Variants in CDK8 observed in about 807,000 individuals in gnomAD.
The protein encoded by CDK8 is cyclin dependent kinase 8.
CDK8 carries 29 observed loss-of-function variants against 71.5 expected under a neutral mutation model. The observed-to-expected ratio is 0.41, with a 90% CI of 0.30 to 0.55. CDK8 has a LOEUF of 0.55. Ranked by LOEUF, CDK8 falls within the 20% of genes least tolerant of loss-of-function variation. The probability of loss-of-function intolerance (pLI) is 0.37; values close to 1 mark genes in which losing one functional copy is unlikely to be tolerated. For synonymous variants in CDK8, 161 were observed against 192.1 expected (o/e 0.84, Z 1.34); for missense variants, 288 against 572.6 (o/e 0.50, Z 5.07).
At chr13:26,340,884 T>C (rs1030634083) in intron 2 of CDK8, among the ~76,000 whole-genome samples, 5 of 152,194 alleles carry the variant, frequency 3.3e-5, no homozygotes, top group African/African-American at 1.2e-4. Flanking sequence ...GAAGGAACTC[T>C]GAAAATTTCT....
At chr13:26,306,847 T>C (rs1015523937) in intron 1 of CDK8, among the ~76,000 whole-genome samples, 1 of 152,136 alleles carries the variant, frequency 6.6e-6, no homozygotes, top group African/African-American at 2.4e-5. Flanking sequence ...CAGGCTGGTC[T>C]TGAACTTCTG....
intron 4 of CDK8, among the ~76,000 whole-genome samples, chr13:26,369,085 T>C (rs1168712319): frequency 6.6e-6 from 1 of 152,120 alleles, no homozygotes; most frequent in Non-Finnish European, 1.5e-5. Flanking sequence ...CAGAAGACGC[T>C]TTTAGTCTCT....
intron 1 of CDK8, among the ~76,000 whole-genome samples, chr13:26,310,777 G>C (rs1874248144): frequency 1.3e-5 from 2 of 152,116 alleles, no homozygotes; most frequent in South Asian, 4.1e-4. Context: ...GTGGACCTCT[G>C]CTCTACATTG....
intron 8 of CDK8, 96 bp downstream of exon 8, chr13:26,396,450 A>C: frequency 2.4e-6 from 1 of 412,290 alleles, no homozygotes; most frequent in Non-Finnish European, 4.4e-6. Flanking sequence ...ACTCAATATA[A>C]GATTACTCTA....
chr13:26,286,495 C>G (rs1319939783), intron 1 of CDK8, among the ~76,000 whole-genome samples: 2 of 152,180 alleles, frequency 1.3e-5, no homozygotes, highest in Admixed American at 1.3e-4. Context: ...CATCTCTCAC[C>G]TTATACAAAA....
At chr13:26,300,648 C>T (rs28626206) in intron 1 of CDK8, among the ~76,000 whole-genome samples, 8,830 of 152,100 alleles carry the variant, frequency 0.058, 859 homozygotes, top group African/African-American at 0.2. Flanking sequence ...AACAAAAGGT[C>T]GTCCAGATAT....
intron 1 of CDK8, among the ~76,000 whole-genome samples, chr13:26,319,985 C>CA (rs1874696587): frequency 6.6e-6 from 1 of 152,070 alleles, no homozygotes. Flanking sequence ...ACAGCCCTTT[C>CA]AACAAACGGT....
At chr13:26,259,431 C>G (rs1160637783) in intron 1 of CDK8, among the ~76,000 whole-genome samples, 1 of 152,080 alleles carries the variant, frequency 6.6e-6, no homozygotes, top group African/African-American at 2.4e-5. Context: ...TATAAGTAAT[C>G]TAGAGATGAT....
At chr13:26,340,639 C>T (rs1036519653) in intron 2 of CDK8, among the ~76,000 whole-genome samples, 4 of 152,124 alleles carry the variant, frequency 2.6e-5, no homozygotes, top group African/African-American at 9.7e-5. Context: ...AGAAGTTGTG[C>T]GTCCCCAGCA....
chr13:26,317,552 G>A (rs1415549596), intron 1 of CDK8, among the ~76,000 whole-genome samples: 1 of 152,160 alleles, frequency 6.6e-6, no homozygotes, highest in African/African-American at 2.4e-5. Flanking sequence ...CACAGATTGA[G>A]TCTCAATAGT....
intron 1 of CDK8, among the ~76,000 whole-genome samples, chr13:26,275,476 C>T (rs1872526207): frequency 1.3e-5 from 2 of 152,152 alleles, no homozygotes; most frequent in South Asian, 4.1e-4. Flanking sequence ...ACAAGGTATT[C>T]TATTTAAGTA....
intron 5 of CDK8, among the ~76,000 whole-genome samples, chr13:26,383,914 T>C (rs987258275): frequency 7.9e-5 from 12 of 152,226 alleles, no homozygotes; most frequent in Non-Finnish European, 1.6e-4. Context: ...CCTTCCAAAA[T>C]GCCTGTTAAG....
Position 26,337,617 on chromosome 13 carries a change from C to CT in CDK8, c.180dup (p.Met61TyrfsTer5). Reference sequence around the variant, plus strand: ...AAACAAATAGAAGGAACTGGGATCTCTATGTCGGCATGTAGAGAAATAGCA... The same window carrying CT: ...AAACAAATAGAAGGAACTGGGATCTCTTATGTCGGCATGTAGAGAAATAGCA... On this transcript the variant is annotated frameshift_variant, in exon 2 of 13. Coordinates refer to ENST00000381527, the MANE Select transcript of CDK8 (RefSeq NM_001260.3). LOFTEE classifies it high-confidence loss of function. 1 of 1,451,668 alleles carries CT rather than the reference C, an allele frequency of 6.9e-7. No individual in the cohort carries two copies. Among genetic ancestry groups the CT allele is most frequent in the Non-Finnish European group, 9.1e-7 (1 of 1,101,410 alleles). 89.9% of individuals were successfully genotyped at this position (1,451,668 alleles called of 1,614,324 possible). A position where few individuals can be genotyped will look rare whatever the true frequency, so the allele number is the denominator to read the frequency against.
At chr13:26,262,941 CAAAT>C in intron 1 of CDK8, among the ~76,000 whole-genome samples, 1 of 152,302 alleles carries the variant, frequency 6.6e-6, no homozygotes, top group African/African-American at 2.4e-5. Context: ...TGAATTCTAA[CAAAT>C]AATCATCCTA....
chr13:26,399,590 T>A (rs1876160573), intron 9 of CDK8, among the ~76,000 whole-genome samples: 1 of 152,218 alleles, frequency 6.6e-6, no homozygotes, highest in Non-Finnish European at 1.5e-5. Flanking sequence ...ATGTCTTAAC[T>A]AAAAAATACT....
chr13:26,325,548 A>G (rs1340168546), intron 1 of CDK8, among the ~76,000 whole-genome samples: 1 of 152,194 alleles, frequency 6.6e-6, no homozygotes, highest in Admixed American at 6.5e-5. Flanking sequence ...GTATCTCGGT[A>G]AGAAAAGAGC....
intron 1 of CDK8, among the ~76,000 whole-genome samples, chr13:26,273,352 G>A (rs1357113454): frequency 1.3e-5 from 2 of 152,000 alleles, no homozygotes; most frequent in Admixed American, 6.6e-5. Flanking sequence ...TGACTTTTTT[G>A]TAGTTCATGA....
intron 3 of CDK8, among the ~76,000 whole-genome samples, chr13:26,350,722 T>A (rs1873649762): frequency 6.6e-6 from 1 of 152,172 alleles, no homozygotes; most frequent in Admixed American, 6.5e-5. Context: ...CCTGAGCCAC[T>A]GAGCCCAGCC....
In CDK8 at chr13:26,372,618, G is replaced by A. The variant is rs576201194; in HGVS notation, c.457-10196G>A. Among the ~76,000 whole-genome samples, 152 of 152,292 alleles carry A rather than the reference G, an allele frequency of 1.0e-3. 1 individual carries two copies. Among genetic ancestry groups the A allele is most frequent in the African/African-American group, 3.5e-3 (144 of 41,566 alleles). ...AAATGGTAGTGCTCAGTTGTTGACA[G>A]TGCACTGACAGTATAATGCAGTAGT... On this transcript the variant is annotated intron_variant, in intron 4 of 12. Transcript: ENST00000381527.
Sources: allele counts gnomAD v4.1 joint callset (sites outside exome capture counted in the v4.1 genomes callset), GRCh38; gene constraint gnomAD v4.1.1; transcripts MANE v1.5; gene names NCBI Gene and HGNC (gene_info 2026-07-23, HGNC 2026-07-21).